NEDD4L: variants seen among roughly 807,000 people sequenced by gnomAD.
NEDD4L encodes the protein NEDD4 like E3 ubiquitin protein ligase, also known as E3 ubiquitin-protein ligase NEDD4-like.
Under a neutral mutation model 148.9 loss-of-function variants are expected in NEDD4L, and 54 were observed. That is an observed-to-expected ratio of 0.36 (90% CI 0.29 to 0.45). The LOEUF is 0.45. NEDD4L is among the 20% of genes least tolerant of loss of function. The pLI is 1.00. For missense variants in NEDD4L, 856 were observed against 1,233.8 expected, an observed-to-expected ratio of 0.69 and a Z score of 4.59; for synonymous variants, 433 against 440.7, an observed-to-expected ratio of 0.98 and a Z score of 0.22.
At chr18:58,281,217 A>G (rs770021135) in intron 5 of NEDD4L, among the ~76,000 whole-genome samples, 4 of 152,162 alleles carry the variant, frequency 2.6e-5, no homozygotes, top group South Asian at 2.1e-4. Flanking sequence ...AGCTCAAGCA[A>G]TCATCCTGCC....
At chr18:58,181,935 A>T (rs1599439294) in intron 2 of NEDD4L, among the ~76,000 whole-genome samples, 1 of 149,172 alleles carries the variant, frequency 6.7e-6, no homozygotes, top group East Asian at 2.0e-4. Flanking sequence ...TCTTTAACAC[A>T]TTTTTTTTTT....
At position 58,044,658 on chromosome 18, in the gene NEDD4L, T is replaced by G. The variant is rs2081489192; in HGVS notation, c.-3T>G. 4 of 1,601,014 alleles carry G rather than the reference T, an allele frequency of 2.5e-6. No homozygotes were observed. In the African/African-American group the frequency reaches 4.1e-5, roughly 16 times the overall value. The stretch of plus-strand genomic sequence containing the variant: ...CTCAGACCCCGCGCGGGGCGCCGGC[T>G]CCATGGCGACCGGGCTCGGGGAGCC... On this transcript the variant is annotated 5_prime_UTR_variant, in exon 1 of 31. Coordinates refer to ENST00000400345, the MANE Select transcript of NEDD4L (RefSeq NM_001144967.3).
intron 1 of NEDD4L, among the ~76,000 whole-genome samples, chr18:58,131,048 C>T (rs1278362310): frequency 5.9e-5 from 6 of 102,412 alleles, no homozygotes; most frequent in East Asian, 3.2e-4. Flanking sequence ...TGGGGTTTGG[C>T]TGTGATCTAG....
chr18:58,101,652 G>T (rs1038128713), intron 1 of NEDD4L, among the ~76,000 whole-genome samples: 13 of 152,104 alleles, frequency 8.5e-5, no homozygotes, highest in African/African-American at 3.1e-4. Flanking sequence ...ATTACAGAAT[G>T]ACATCATGAA....
In NEDD4L at chr18:58,202,667, C is replaced by T. The variant is rs149067357; in HGVS notation, c.122+36806C>T. Among the ~76,000 whole-genome samples the T allele has an allele frequency of 1.9e-3, 294 of 152,366 alleles. 2 individuals carry two copies. Among genetic ancestry groups the T allele is most frequent in the African/African-American group, 6.9e-3 (285 of 41,590 alleles). On this transcript the variant is annotated intron_variant, in intron 2 of 30. Coordinates refer to ENST00000400345, the MANE Select transcript of NEDD4L (RefSeq NM_001144967.3). ...AGCCTCCCCCTGGAAGGGGTTCAGA[C>T]TTGATCCTTTGGGTGGTAGGGTCTT...
chr18:58,261,902 A>G (rs940423465), intron 5 of NEDD4L, among the ~76,000 whole-genome samples: 3 of 152,246 alleles, frequency 2.0e-5, no homozygotes, highest in Non-Finnish European at 4.4e-5. Flanking sequence ...GGGAAAAAGC[A>G]GGAAATTCAT....
intron 2 of NEDD4L, among the ~76,000 whole-genome samples, chr18:58,186,613 T>C (rs1318718560): frequency 1.3e-5 from 2 of 152,222 alleles, no homozygotes; most frequent in African/African-American, 2.4e-5. Context: ...AATTAAATCA[T>C]AGTCATCAAT....
At chr18:58,098,235 G>A (rs558519918) in intron 1 of NEDD4L, among the ~76,000 whole-genome samples, 20 of 152,210 alleles carry the variant, frequency 1.3e-4, no homozygotes, top group African/African-American at 4.6e-4. Flanking sequence ...TCCTGTGTTT[G>A]TTGGGAGGGA....
chr18:58,229,785 A>C (rs2044869251), intron 2 of NEDD4L, among the ~76,000 whole-genome samples: 1 of 151,988 alleles, frequency 6.6e-6, no homozygotes, highest in Non-Finnish European at 1.5e-5. Flanking sequence ...AGGTCAGGAG[A>C]TCAAGACTAT....
chr18:58,073,622 C>A (rs1035428007), intron 1 of NEDD4L, among the ~76,000 whole-genome samples: 3 of 152,216 alleles, frequency 2.0e-5, no homozygotes, highest in East Asian at 3.9e-4. Flanking sequence ...AAAGGCCACA[C>A]GTTTATTTGA....
chr18:58,099,638 A>G (rs542489679), intron 1 of NEDD4L, among the ~76,000 whole-genome samples: 1 of 152,316 alleles, frequency 6.6e-6, no homozygotes, highest in African/African-American at 2.4e-5. Flanking sequence ...ATTAAACACA[A>G]CACCAGCGGG....
At chr18:58,095,477 G>GCGGAGAGGCAGTGAGAGACA (rs1555689813) in intron 1 of NEDD4L, among the ~76,000 whole-genome samples, 44 of 152,122 alleles carry the variant, frequency 2.9e-4, no homozygotes, top group African/African-American at 1.0e-3. Flanking sequence ...TCTGTCTGCA[G>GCGGAGAGGCAGTGAGAGACA]CACTGAGGCC....
chr18:58,325,271 A>G, intron 9 of NEDD4L, 109 bp downstream of exon 9: 1 of 1,276,398 alleles, frequency 7.8e-7, no homozygotes, highest in South Asian at 1.5e-5. Flanking sequence ...TGTCTATAAG[A>G]GCAGATGGTG....
chr18:58,138,098 G>A (rs746759724), intron 1 of NEDD4L, among the ~76,000 whole-genome samples: 34 of 152,288 alleles, frequency 2.2e-4, no homozygotes, highest in Non-Finnish European at 3.8e-4. Context: ...ACCTCTCTTG[G>A]ACGTTAGGGT....
chr18:58,149,738 A>G (rs999745718), intron 1 of NEDD4L, among the ~76,000 whole-genome samples: 1 of 152,234 alleles, frequency 6.6e-6, no homozygotes, highest in Non-Finnish European at 1.5e-5. Flanking sequence ...GATTTTGTTC[A>G]AACCTCAGGG....
chr18:58,356,480 A>T (rs761010677), intron 18 of NEDD4L, among the ~76,000 whole-genome samples: 11 of 152,128 alleles, frequency 7.2e-5, no homozygotes, highest in Non-Finnish European at 1.5e-4. Context: ...ACACCAAGTG[A>T]TCTAAGGCAG....
intron 2 of NEDD4L, 58 bp from the exon 3 acceptor site, chr18:58,245,369 T>C: frequency 2.4e-6 from 2 of 819,354 alleles, no homozygotes; most frequent in Non-Finnish European, 4.0e-6. Context: ...TAGGTTCCAC[T>C]GTTTTCTCTT....
intron 2 of NEDD4L, among the ~76,000 whole-genome samples, chr18:58,219,698 C>T (rs575149992): frequency 1.6e-4 from 25 of 152,256 alleles, no homozygotes; most frequent in African/African-American, 6.0e-4. Flanking sequence ...CACCTACTAA[C>T]CTCATTTTAA....
chr18:58,165,571 T>A, intron 1 of NEDD4L: 1 of 848,084 alleles, frequency 1.2e-6, no homozygotes. Context: ...TTGTGCTTAA[T>A]TAACTTGGAT....
Sources: allele counts gnomAD v4.1 joint callset (sites outside exome capture counted in the v4.1 genomes callset), GRCh38; gene constraint gnomAD v4.1.1; transcripts MANE v1.5; gene names NCBI Gene and HGNC (gene_info 2026-07-23, HGNC 2026-07-21).